The following DLG2 variants were observed in gnomAD, a reference collection of about 807,000 sequenced individuals.
DLG2 encodes the protein discs large MAGUK scaffold protein 2.
A neutral mutation model predicts 132.5 loss-of-function variants in DLG2; 45 were observed. That is an observed-to-expected ratio of 0.34 (90% confidence interval 0.27 to 0.44). The LOEUF (loss-of-function observed/expected upper bound fraction) is 0.44. DLG2 is among the 20% of genes least tolerant of loss of function. The probability of loss-of-function intolerance (pLI) is 1.00; values close to 1 mark genes in which losing one functional copy is unlikely to be tolerated. For missense variants in DLG2, 1,045 were observed against 1,196.9 expected, an observed-to-expected ratio of 0.87 and a Z score of 1.87; for synonymous variants, 424 against 419.6, an observed-to-expected ratio of 1.01 and a Z score of -0.13.
At chr11:83,896,288 TA>T (rs1195947553) in intron 15 of DLG2, among the ~76,000 whole-genome samples, 3 of 152,210 alleles carry the variant, frequency 2.0e-5, no homozygotes, top group Admixed American at 1.3e-4. Flanking sequence ...ATAGCAGCCA[TA>T]AAAGTTACAG....
intron 15 of DLG2, among the ~76,000 whole-genome samples, chr11:83,876,494 A>G (rs530898258): frequency 2.0e-5 from 3 of 152,284 alleles, no homozygotes; most frequent in African/African-American, 7.2e-5. Context: ...CTATTAAAAA[A>G]TATTACAAAA....
At chr11:84,955,310 T>C (rs2051498595) in intron 6 of DLG2, 1 of 152,186 alleles carries the variant, frequency 6.6e-6, no homozygotes, top group Admixed American at 6.5e-5. Flanking sequence ...AACAAACCTA[T>C]GCAGCTGACT....
At chr11:84,319,550 A>AG (rs1351030932) in intron 7 of DLG2, among the ~76,000 whole-genome samples, 1 of 152,244 alleles carries the variant, frequency 6.6e-6, no homozygotes, top group African/African-American at 2.4e-5. Context: ...GACATAAGTC[A>AG]GTGTGCATCC....
chr11:83,635,708 C>T (rs912457501), intron 18 of DLG2, among the ~76,000 whole-genome samples: 3 of 152,120 alleles, frequency 2.0e-5, no homozygotes, highest in Non-Finnish European at 4.4e-5. Context: ...CTGCCTTCTA[C>T]CAAATACATA....
intron 8 of DLG2, chr11:84,166,901 C>T (rs945119099): frequency 5.4e-5 from 29 of 532,394 alleles, no homozygotes; most frequent in African/African-American, 4.2e-4. Context: ...CAAAAGAGTT[C>T]GGCCGAATAC....
At chr11:84,294,289 T>C (rs1449775462) in intron 7 of DLG2, among the ~76,000 whole-genome samples, 2 of 151,994 alleles carry the variant, frequency 1.3e-5, no homozygotes, top group Non-Finnish European at 2.9e-5. Context: ...ATTAGGAAAT[T>C]GAGCTAGCTT....
chr11:84,193,122 C>T (rs747102985), intron 8 of DLG2, among the ~76,000 whole-genome samples: 3 of 152,162 alleles, frequency 2.0e-5, no homozygotes, highest in Admixed American at 1.3e-4. Flanking sequence ...GACAGTGGTA[C>T]TGGGATATCT....
intron 6 of DLG2, among the ~76,000 whole-genome samples, chr11:84,658,037 A>C (rs2099690286): frequency 6.6e-6 from 1 of 152,168 alleles, no homozygotes; most frequent in Non-Finnish European, 1.5e-5. Context: ...AATGTAATTT[A>C]AGTAAACATG....
At chr11:84,181,588 C>T (rs760920791) in intron 8 of DLG2, among the ~76,000 whole-genome samples, 2 of 151,790 alleles carry the variant, frequency 1.3e-5, no homozygotes, top group African/African-American at 2.4e-5. Flanking sequence ...TTTCAAAGTA[C>T]ATTAGATTAA....
At chr11:85,120,708 T>G (rs2074200721) in intron 5 of DLG2, among the ~76,000 whole-genome samples, 1 of 152,088 alleles carries the variant, frequency 6.6e-6, no homozygotes, top group South Asian at 2.1e-4. Context: ...TTATGAAATG[T>G]GTTTTCATAC....
intron 3 of DLG2, among the ~76,000 whole-genome samples, chr11:85,493,499 T>A (rs2093607161): frequency 6.6e-6 from 1 of 152,150 alleles, no homozygotes; most frequent in South Asian, 2.1e-4. Flanking sequence ...AACTGCGTAA[T>A]TTATAAACAA....
chr11:85,332,020 A>G (rs2152841159), intron 3 of DLG2, among the ~76,000 whole-genome samples: 1 of 152,286 alleles, frequency 6.6e-6, no homozygotes, highest in South Asian at 2.1e-4. Flanking sequence ...AATTGTTTTA[A>G]GTTCTTTGAG....
At chr11:84,435,579 T>A (rs146315960) in intron 7 of DLG2, among the ~76,000 whole-genome samples, 39 of 152,312 alleles carry the variant, frequency 2.6e-4, no homozygotes, top group African/African-American at 9.1e-4. Context: ...AGTTCTCTAA[T>A]GTAGATTTCC....
chr11:85,338,938 C>T (rs1193990404), intron 3 of DLG2, among the ~76,000 whole-genome samples: 6 of 151,992 alleles, frequency 3.9e-5, no homozygotes, highest in Admixed American at 2.6e-4. Context: ...GTGATCCGCC[C>T]GCCTCGGCCT....
At chr11:85,549,224 G>T (rs953716118) in intron 3 of DLG2, among the ~76,000 whole-genome samples, 3 of 152,108 alleles carry the variant, frequency 2.0e-5, no homozygotes, top group Admixed American at 2.0e-4. Context: ...GCTTCCCTTG[G>T]ATAGACAAGG....
chr11:85,617,350 T>C (rs1010432704), intron 2 of DLG2, among the ~76,000 whole-genome samples: 1 of 152,268 alleles, frequency 6.6e-6, no homozygotes, highest in African/African-American at 2.4e-5. Flanking sequence ...GGTAAACTTC[T>C]ATTCATCTTC....
chr11:85,317,738 G>A (rs1228867116), intron 3 of DLG2, among the ~76,000 whole-genome samples: 1 of 151,872 alleles, frequency 6.6e-6, no homozygotes, highest in Non-Finnish European at 1.5e-5. Context: ...AAGGGAGCAA[G>A]ATACACTGGG....
chr11:84,261,920 A>T (rs1227391753), intron 7 of DLG2, among the ~76,000 whole-genome samples: 1 of 152,072 alleles, frequency 6.6e-6, no homozygotes, highest in Non-Finnish European at 1.5e-5. Flanking sequence ...CTTATACCAC[A>T]CTGCTTGATG....
chr11:85,348,089 G>A (rs990168631), intron 3 of DLG2, among the ~76,000 whole-genome samples: 3 of 143,890 alleles, frequency 2.1e-5, no homozygotes, highest in South Asian at 2.2e-4. Context: ...TGGTTCAAGC[G>A]ATTCTTCTGC....
Sources: allele counts gnomAD v4.1 joint callset (sites outside exome capture counted in the v4.1 genomes callset), GRCh38; gene constraint gnomAD v4.1.1; transcripts MANE v1.5; gene names NCBI Gene and HGNC (gene_info 2026-07-23, HGNC 2026-07-21).